The following KIAA0513 variants were observed in gnomAD, a reference collection of about 807,000 sequenced individuals.
KIAA0513 encodes the protein KIAA0513.
A neutral mutation model predicts 56.5 loss-of-function variants in KIAA0513; 39 were observed. The ratio of observed to expected loss-of-function variants is 0.69; its 90% CI spans 0.53 to 0.90. KIAA0513 has a LOEUF of 0.90. Ranked by LOEUF, KIAA0513 falls within the 40% of genes least tolerant of loss-of-function variation. The probability of loss-of-function intolerance (pLI) is 0.00; values close to 1 mark genes in which losing one functional copy is unlikely to be tolerated. For missense variants in KIAA0513, 591 were observed against 535.2 expected, an observed-to-expected ratio of 1.10 and a Z score of -1.03; for synonymous variants, 268 against 215.6, an observed-to-expected ratio of 1.24 and a Z score of -2.13.
At chr16:85,069,183 A>T (rs928104177) in intron 2 of KIAA0513, among the ~76,000 whole-genome samples, 2 of 148,876 alleles carry the variant, frequency 1.3e-5, no homozygotes, top group Non-Finnish European at 3.0e-5. Flanking sequence ...GGTACACACC[A>T]CCATGCCCAG....
chr16:85,088,033 C>T (rs1486454278), intron 12 of KIAA0513, among the ~76,000 whole-genome samples: 1 of 152,258 alleles, frequency 6.6e-6, no homozygotes, highest in Admixed American at 6.5e-5. Flanking sequence ...GGGCTGCTTC[C>T]AGCCACCTGC....
intron 1 of KIAA0513, among the ~76,000 whole-genome samples, chr16:85,050,350 TATTTATTTA>T (rs779845495): frequency 1.5e-5 from 2 of 132,072 alleles, no homozygotes; most frequent in African/African-American, 3.0e-5. Flanking sequence ...TTTATTTATT[TATTTATTTA>T]TTTTTTTTGA....
chr16:85,067,443 G>C, intron 2 of KIAA0513, 43 bp downstream of exon 2: 1 of 1,476,822 alleles, frequency 6.8e-7, no homozygotes, highest in Non-Finnish European at 9.2e-7. Flanking sequence ...GTGGCCACAG[G>C]GCCCAAGGGG....
intron 1 of KIAA0513, among the ~76,000 whole-genome samples, chr16:85,061,993 G>T (rs1454360976): frequency 6.6e-6 from 1 of 152,046 alleles, no homozygotes; most frequent in African/African-American, 2.4e-5. Flanking sequence ...CTCTGCCTGG[G>T]TCACCTTCAA....
At chr16:85,032,935 A>G (rs537636546) in intron 1 of KIAA0513, among the ~76,000 whole-genome samples, 7 of 152,092 alleles carry the variant, frequency 4.6e-5, no homozygotes, top group African/African-American at 9.6e-5. Flanking sequence ...GGCCCCACAG[A>G]GACCCTATTT....
At chr16:85,072,796 G>A in intron 3 of KIAA0513, 129 bp from the exon 4 acceptor site, 1 of 866,990 alleles carries the variant, frequency 1.2e-6, no homozygotes, top group Non-Finnish European at 1.9e-6. Flanking sequence ...ATAGTGCAGA[G>A]GCAGCAGACA....
chr16:85,091,625 G>C lies in KIAA0513; in HGVS notation c.*3300G>C, dbSNP rs1567551977. 1 of 152,212 alleles carries C rather than the reference G, an allele frequency of 6.6e-6. No individual in the cohort carries two copies. The highest frequency in any genetic ancestry group is 1.5e-5 in the Non-Finnish European group (1 of 68,050). 9.4% of individuals were successfully genotyped at this position (152,212 alleles called of 1,614,324 possible). A position where few individuals can be genotyped will look rare whatever the true frequency, so the allele number is the denominator to read the frequency against. On this transcript the variant is annotated 3_prime_UTR_variant, in exon 13 of 13. Coordinates refer to ENST00000683363, the MANE Select transcript of KIAA0513 (RefSeq NM_001388359.1). ...GTGGGGGAATCACAGACATCACCAAGTCTCGTCTTCTTTCCTTCCTGTGAG... is the reference window on the plus strand; with the variant it reads ...GTGGGGGAATCACAGACATCACCAACTCTCGTCTTCTTTCCTTCCTGTGAG...
At chr16:85,037,472 G>C (rs1018988886) in intron 1 of KIAA0513, among the ~76,000 whole-genome samples, 1 of 152,142 alleles carries the variant, frequency 6.6e-6, no homozygotes, top group Non-Finnish European at 1.5e-5. Context: ...TAAGTATCGA[G>C]AATGCAATAA....
chr16:85,036,620 C>T (rs764252140), intron 1 of KIAA0513, among the ~76,000 whole-genome samples: 2 of 152,070 alleles, frequency 1.3e-5, no homozygotes, highest in Non-Finnish European at 2.9e-5. Flanking sequence ...GTGGGGTGGA[C>T]GAGCAGGCAG....
Position 85,034,054 on chromosome 16 carries a change from C to T in KIAA0513, c.-173+6196C>T, listed in dbSNP as rs116509459. On this transcript the variant is annotated intron_variant, in intron 1 of 12. Coordinates refer to ENST00000683363, the MANE Select transcript of KIAA0513 (RefSeq NM_001388359.1). ...TTCCTCCAACCTCGCCACAGCACAT[C>T]TGTTGGGACAGATGACTTGTTTCCC... Among the ~76,000 whole-genome samples, 1,242 of 152,280 alleles carry T rather than the reference C, an allele frequency of 8.2e-3. 19 individuals are homozygous for T. The highest frequency in any genetic ancestry group is 0.029 in the African/African-American group (1,192 of 41,548).
chr16:85,061,170 A>G (rs957332816), intron 1 of KIAA0513, among the ~76,000 whole-genome samples: 2 of 152,004 alleles, frequency 1.3e-5, no homozygotes, highest in Admixed American at 6.6e-5. Context: ...AAAAAAAAAA[A>G]GAAAGAAAAG....
At chr16:85,043,347 G>A (rs551565846) in intron 1 of KIAA0513, among the ~76,000 whole-genome samples, 2 of 150,574 alleles carry the variant, frequency 1.3e-5, no homozygotes, top group African/African-American at 2.4e-5. Context: ...CCGATGAGGC[G>A]TCCTTCTCAA....
chr16:85,031,061 G>A (rs2072957680), intron 1 of KIAA0513, among the ~76,000 whole-genome samples: 1 of 152,170 alleles, frequency 6.6e-6, no homozygotes, highest in African/African-American at 2.4e-5. Flanking sequence ...CATATTAATT[G>A]GAAACCGCTA....
In KIAA0513 at chr16:85,093,526, G is replaced by A. The variant is rs2073891614; in HGVS notation, c.*5201G>A. The A allele has an allele frequency of 6.5e-6, 1 of 152,672 alleles. No homozygotes were observed. The allele number at this position is 152,672 out of a possible 1,614,324, so 9.5% of individuals were successfully genotyped here. On this transcript the variant is annotated 3_prime_UTR_variant, in exon 13 of 13. Coordinates refer to ENST00000683363, the MANE Select transcript of KIAA0513 (RefSeq NM_001388359.1). ...CACTTTAAAAAGGGGATGCCTGTCA[G>A]TAAATCCCCTGTGCATTGACTAGAA...
chr16:85,049,859 C>A (rs192670470), intron 1 of KIAA0513, among the ~76,000 whole-genome samples: 181 of 152,280 alleles, frequency 1.2e-3, no homozygotes, highest in African/African-American at 4.3e-3. Flanking sequence ...CTTAGGGAGC[C>A]TCTCCCTGTC....
chr16:85,040,856 A>G (rs575428319), intron 1 of KIAA0513, among the ~76,000 whole-genome samples: 1 of 152,328 alleles, frequency 6.6e-6, no homozygotes, highest in South Asian at 2.1e-4. Context: ...GTGGATCAAT[A>G]CACTTAAAGC....
chr16:85,061,885 C>A (rs1567533380), intron 1 of KIAA0513, among the ~76,000 whole-genome samples: 1 of 152,214 alleles, frequency 6.6e-6, no homozygotes. Flanking sequence ...CCGCTGTGGC[C>A]TCTTTTCCCA....
At chr16:85,085,778 G>A (rs1283725778) in intron 10 of KIAA0513, among the ~76,000 whole-genome samples, 16 of 152,234 alleles carry the variant, frequency 1.1e-4, no homozygotes, top group Admixed American at 1.0e-3. Context: ...TGAACGCTCA[G>A]AACACCCTCC....
chr16:85,074,215 T>TCC (rs1288669525), intron 4 of KIAA0513, among the ~76,000 whole-genome samples: 2 of 151,944 alleles, frequency 1.3e-5, no homozygotes, highest in African/African-American at 4.8e-5. Flanking sequence ...CCTCAAGTGA[T>TCC]TCACTTGCTT....
Sources: allele counts gnomAD v4.1 joint callset (sites outside exome capture counted in the v4.1 genomes callset), GRCh38; gene constraint gnomAD v4.1.1; transcripts MANE v1.5; gene names NCBI Gene and HGNC (gene_info 2026-07-23, HGNC 2026-07-21).